CIT: variants seen among roughly 807,000 people sequenced by gnomAD.
CIT encodes the protein citron Rho-interacting kinase.
Under a neutral mutation model 272.7 loss-of-function variants are expected in CIT, and 79 were observed. The observed-to-expected ratio is 0.29, with a 90% CI of 0.24 to 0.35. The LOEUF (loss-of-function observed/expected upper bound fraction) is 0.35, where lower values mean the gene tolerates loss of function less well. CIT is among the 10% of genes least tolerant of loss of function. The pLI is 1.00. For missense variants in CIT, 1,909 were observed against 2,618.3 expected (o/e 0.73, Z 5.91); for synonymous variants, 948 against 995.6 (o/e 0.95, Z 0.90).
chr12:119,803,145 CTT>C, intron 10 of CIT, 59 bp downstream of exon 10: 1 of 797,054 alleles, frequency 1.3e-6, no homozygotes, highest in Non-Finnish European at 1.8e-6. Flanking sequence ...CCACCACCAC[CTT>C]TGGCTCCAAA....
At chr12:119,835,510 C>G (rs1368358259) in intron 5 of CIT, among the ~76,000 whole-genome samples, 1 of 152,168 alleles carries the variant, frequency 6.6e-6, no homozygotes, top group Non-Finnish European at 1.5e-5. Context: ...TCCTGTCCTT[C>G]GCCCTGATTT....
chr12:119,725,793 G>C (rs992628902), intron 28 of CIT, among the ~76,000 whole-genome samples: 1 of 152,206 alleles, frequency 6.6e-6, no homozygotes, highest in African/African-American at 2.4e-5. Context: ...GGGCTGTCAG[G>C]GCCAACTCGC....
intron 10 of CIT, among the ~76,000 whole-genome samples, chr12:119,789,946 C>T (rs897944626): frequency 2.6e-5 from 4 of 151,634 alleles, no homozygotes; most frequent in African/African-American, 9.7e-5. Context: ...AATCTCCTGA[C>T]CTCATGATCT....
intron 2 of CIT, among the ~76,000 whole-genome samples, chr12:119,875,678 T>C (rs936143318): frequency 4.6e-5 from 7 of 152,080 alleles, no homozygotes; most frequent in African/African-American, 1.4e-4. Flanking sequence ...CCTAAAATAT[T>C]ATCCCTGGTC....
intron 5 of CIT, among the ~76,000 whole-genome samples, chr12:119,844,257 G>A (rs1969634581): frequency 6.6e-6 from 1 of 151,916 alleles, no homozygotes; most frequent in Non-Finnish European, 1.5e-5. Flanking sequence ...CCTGAACTAA[G>A]GTTATCCGCT....
At chr12:119,814,751 A>G (rs775455115) in intron 9 of CIT, among the ~76,000 whole-genome samples, 1 of 152,178 alleles carries the variant, frequency 6.6e-6, no homozygotes, top group Non-Finnish European at 1.5e-5. Context: ...AACAAGATGA[A>G]CTTTAAAAGG....
chr12:119,734,468 A>AC, intron 25 of CIT, 111 bp from the exon 26 acceptor site: 1 of 1,185,714 alleles, frequency 8.4e-7, no homozygotes, highest in Non-Finnish European at 1.2e-6. Context: ...ACAGTTTGAA[A>AC]TGCGGTTTGT....
At chr12:119,720,360 A>T (rs1316284213) in intron 30 of CIT, 118 bp downstream of exon 30, 2 of 710,416 alleles carry the variant, frequency 2.8e-6, no homozygotes, top group African/African-American at 3.8e-5. Context: ...TAAAACAACA[A>T]AAAAAGTATA....
Position 119,757,353 on chromosome 12 carries a change from A to G in CIT, c.2706+18T>C. The stretch of plus-strand genomic sequence containing the variant: ...ATCGCCCAGCAAATCCTCCCAGGAG[A>G]TGACTCCTCGCTCTCACCTCCCGCA... On this transcript the variant is annotated intron_variant, in intron 22 of 47. Transcript: ENST00000392521. 1.2e-6 allele frequency: 2 copies of G among 1,612,764 alleles called. No individual in the cohort carries two copies. Among genetic ancestry groups the G allele is most frequent in the Non-Finnish European group, 1.7e-6 (2 of 1,179,724 alleles).
At chr12:119,829,589 T>C (rs1968466402) in intron 7 of CIT, among the ~76,000 whole-genome samples, 1 of 152,148 alleles carries the variant, frequency 6.6e-6, no homozygotes, top group South Asian at 2.1e-4. Flanking sequence ...AACTGCCAAA[T>C]GGGGTTGATT....
intron 46 of CIT, among the ~76,000 whole-genome samples, chr12:119,693,711 C>G (rs1956077911): frequency 6.6e-6 from 1 of 152,210 alleles, no homozygotes; most frequent in Non-Finnish European, 1.5e-5. Flanking sequence ...ATTGGCACTT[C>G]TGGTTTTTCA....
intron 46 of CIT, among the ~76,000 whole-genome samples, chr12:119,696,342 G>A (rs577055807): frequency 6.6e-6 from 1 of 152,328 alleles, no homozygotes; most frequent in African/African-American, 2.4e-5. Flanking sequence ...AAGCAGAGGT[G>A]CCAAATACCC....
At position 119,710,628 on chromosome 12, in the gene CIT, T is replaced by C. The variant is rs934429508; in HGVS notation, c.4855-8A>G. 11 of 1,613,272 alleles carry C rather than the reference T, an allele frequency of 6.8e-6. No homozygotes were observed. Among genetic ancestry groups the C allele is most frequent in the African/African-American group, 6.7e-5 (5 of 74,896 alleles). On this transcript the variant is annotated splice_polypyrimidine_tract_variant and splice_region_variant and intron_variant, in intron 37 of 47. Transcript: ENST00000392521. The surrounding 1 kb of genome is among the most constrained non-coding windows in gnomAD (Gnocchi z 5.6). ...GGAGTTTCCAAGCAGTTTCTTTTCA[T>C]AGGTGAAAGAAAAGAAAAACAGAAG...
chr12:119,691,059 C>A (rs1402929811), intron 46 of CIT, among the ~76,000 whole-genome samples: 1 of 151,466 alleles, frequency 6.6e-6, no homozygotes, highest in African/African-American at 2.4e-5. Flanking sequence ...GTAGTCCCAG[C>A]TACTCAGGAG....
intron 5 of CIT, among the ~76,000 whole-genome samples, chr12:119,846,626 G>T (rs1195783215): frequency 6.6e-6 from 1 of 152,156 alleles, no homozygotes; most frequent in Non-Finnish European, 1.5e-5. Flanking sequence ...AAAATAGGCT[G>T]GGTGTGGTGA....
intron 10 of CIT, among the ~76,000 whole-genome samples, chr12:119,788,205 C>T (rs954128406): frequency 1.3e-5 from 2 of 152,224 alleles, no homozygotes; most frequent in East Asian, 1.9e-4. Flanking sequence ...ACGCTTCTCA[C>T]CAGCCTGTTT....
intron 44 of CIT, among the ~76,000 whole-genome samples, chr12:119,698,403 T>A (rs55741583): frequency 0.061 from 9,268 of 151,756 alleles, 941 homozygotes; most frequent in African/African-American, 0.21. Flanking sequence ...CAGCCTGGCC[T>A]ACATGGTGAA....
At chr12:119,803,783 A>T (rs1966411386) in intron 9 of CIT, among the ~76,000 whole-genome samples, 1 of 152,154 alleles carries the variant, frequency 6.6e-6, no homozygotes, top group South Asian at 2.1e-4. Context: ...AAACCTATGG[A>T]TTCCCTCCTC....
chr12:119,792,461 T>C (rs995170257), intron 10 of CIT, among the ~76,000 whole-genome samples: 6 of 152,116 alleles, frequency 3.9e-5, no homozygotes, highest in Non-Finnish European at 8.8e-5. Context: ...ATTCCGAAAT[T>C]TGTGAACTTG....
Sources: gnomAD v4.1 joint callset for allele counts (sites outside exome capture counted in the v4.1 genomes callset) on GRCh38, gnomAD v4.1.1 for gene constraint, Gnocchi (gnomAD v3.1) non-coding constraint, MANE v1.5 for transcripts, NCBI Gene and HGNC (gene_info 2026-07-23, HGNC 2026-07-21) for gene names.